KLF12: variants seen among roughly 807,000 people sequenced by gnomAD.
The protein encoded by KLF12 is Krueppel-like factor 12.
KLF12 carries 9 observed loss-of-function variants against 37.8 expected under a neutral mutation model. The observed-to-expected ratio is 0.24, with a 90% CI of 0.14 to 0.42. KLF12 has a LOEUF of 0.42. Among genes scored for constraint, KLF12 ranks in the 10% least tolerant of loss-of-function variants. The pLI is 1.00. For missense variants in KLF12, 411 were observed against 516.0 expected, an observed-to-expected ratio of 0.80 and a Z score of 1.97; for synonymous variants, 208 against 202.1, an observed-to-expected ratio of 1.03 and a Z score of -0.25.
chr13:74,043,704 A>G (rs1893468887), intron 1 of KLF12, among the ~76,000 whole-genome samples: 1 of 152,238 alleles, frequency 6.6e-6, no homozygotes, highest in African/African-American at 2.4e-5. Context: ...TTCCTTGAGG[A>G]AAGCATACAT....
rs1339693483 is a variant in KLF12, at chr13:73,693,817, A to C, written c.*1673T>G. The C allele has an allele frequency of 6.6e-6, 1 of 152,580 alleles. No homozygotes were observed. Among genetic ancestry groups the C allele is most frequent in the Non-Finnish European group, 1.5e-5 (1 of 68,020 alleles). 9.5% of individuals were successfully genotyped at this position (152,580 alleles called of 1,614,324 possible). A position where few individuals can be genotyped will look rare whatever the true frequency, so the allele number is the denominator to read the frequency against. On this transcript the variant is annotated 3_prime_UTR_variant, in exon 8 of 8. Coordinates refer to ENST00000377669, the MANE Select transcript of KLF12 (RefSeq NM_007249.5). ...AGCAACAACAACAATAACAACAAAA[A>C]ATCTCACCAGCCCCTCAGCCACAGA...
intron 3 of KLF12, among the ~76,000 whole-genome samples, chr13:73,937,198 T>G (rs59825026): frequency 2.0e-5 from 3 of 150,376 alleles, no homozygotes. Context: ...CAAAAAAAAA[T>G]AAATAAATAA....
chr13:73,910,023 TAGCCTC>T (rs1279769279), intron 3 of KLF12, among the ~76,000 whole-genome samples: 7 of 152,298 alleles, frequency 4.6e-5, no homozygotes, highest in African/African-American at 1.7e-4. Context: ...ACAGAATTAT[TAGCCTC>T]ATTGATAAAT....
upstream of KLF12, among the ~76,000 whole-genome samples, chr13:74,134,234 C>A (rs890236576): frequency 6.6e-6 from 1 of 151,872 alleles, no homozygotes; most frequent in Non-Finnish European, 1.5e-5. Flanking sequence ...AGCTCCGGGT[C>A]CTCCTCCCCA....
intron 1 of KLF12, among the ~76,000 whole-genome samples, chr13:74,092,441 T>C (rs1162350960): frequency 4.1e-5 from 6 of 144,838 alleles, no homozygotes; most frequent in Non-Finnish European, 7.5e-5. Context: ...CGGGCCAACA[T>C]GGTGAAACCC....
intron 3 of KLF12, among the ~76,000 whole-genome samples, chr13:73,885,876 G>A (rs1207687928): frequency 1.3e-5 from 2 of 152,202 alleles, no homozygotes; most frequent in Non-Finnish European, 2.9e-5. Flanking sequence ...GACTAATCCA[G>A]ATAAAAGGCA....
At chr13:74,209,849 C>T in the KLF12 span, among the ~76,000 whole-genome samples, 38 of 152,198 alleles carry the variant, frequency 2.5e-4, no homozygotes, top group African/African-American at 8.4e-4. Context: ...TTTTACACAA[C>T]TAATACTAAA....
the KLF12 span, among the ~76,000 whole-genome samples, chr13:74,249,532 T>A: frequency 1.3e-5 from 2 of 152,108 alleles, no homozygotes; most frequent in Non-Finnish European, 2.9e-5. Flanking sequence ...TGGATTGAGA[T>A]AGGGGTGGGT....
chr13:74,011,089 G>A (rs1892538681), intron 1 of KLF12, among the ~76,000 whole-genome samples: 1 of 151,688 alleles, frequency 6.6e-6, no homozygotes, highest in South Asian at 2.1e-4. Flanking sequence ...TTAATTATTG[G>A]GAAATCTATA....
chr13:73,775,809 C>T (rs1055321685), intron 5 of KLF12, among the ~76,000 whole-genome samples: 35 of 152,126 alleles, frequency 2.3e-4, no homozygotes, highest in Non-Finnish European at 4.7e-4. Context: ...TTTTGAGATG[C>T]CTCATTTAGG....
At position 73,693,004 on chromosome 13, in the gene KLF12, G is replaced by C. The variant is rs759587585; in HGVS notation, c.*2486C>G. The C allele has an allele frequency of 6.6e-6, 1 of 152,138 alleles. No individual in the cohort carries two copies. The highest frequency in any genetic ancestry group is 1.5e-5 in the Non-Finnish European group (1 of 68,028). The allele number at this position is 152,138 out of a possible 1,614,324, so 9.4% of individuals were successfully genotyped here. ...GTCACTCAGGAAGATTCCCCTGCCT[G>C]TCAGTTTTATGAATTCTAAAAACCA... On this transcript the variant is annotated 3_prime_UTR_variant, in exon 8 of 8. Coordinates refer to ENST00000377669, the MANE Select transcript of KLF12 (RefSeq NM_007249.5).
At chr13:74,145,591 G>A in the KLF12 span, among the ~76,000 whole-genome samples, 2 of 151,952 alleles carry the variant, frequency 1.3e-5, no homozygotes, top group Non-Finnish European at 2.9e-5. Flanking sequence ...ATCTACTTTT[G>A]GGATCCCTAT....
chr13:73,996,124 C>T (rs1201223076), intron 1 of KLF12, among the ~76,000 whole-genome samples: 1 of 152,090 alleles, frequency 6.6e-6, no homozygotes, highest in African/African-American at 2.4e-5. Flanking sequence ...AGGAAACTGG[C>T]CTTTAATTTT....
intron 1 of KLF12, among the ~76,000 whole-genome samples, chr13:74,045,628 GAAA>G (rs71115631): frequency 1.4e-5 from 2 of 146,696 alleles, no homozygotes; most frequent in Admixed American, 6.8e-5. Context: ...TGACGAAAAT[GAAA>G]AAAAAAAAAA....
chr13:74,122,031 T>C (rs1311404567), intron 1 of KLF12, among the ~76,000 whole-genome samples: 1 of 152,052 alleles, frequency 6.6e-6, no homozygotes, highest in African/African-American at 2.4e-5. Flanking sequence ...GGAGATTACA[T>C]GCCTACTTTA....
chr13:73,869,685 G>A (rs944868876), intron 3 of KLF12, among the ~76,000 whole-genome samples: 7 of 151,766 alleles, frequency 4.6e-5, no homozygotes, highest in Non-Finnish European at 8.8e-5. Flanking sequence ...CATAGTTCCT[G>A]GTAACTTGTA....
In KLF12 at chr13:73,693,759, G is replaced by A. The variant is rs1226752780; in HGVS notation, c.*1731C>T. ...AAATATATTGCAAAGGTCTTTGTTG[G>A]AGACCTTTTATATCTAAGCTATAAA... On this transcript the variant is annotated 3_prime_UTR_variant, in exon 8 of 8. Coordinates refer to ENST00000377669, the MANE Select transcript of KLF12 (RefSeq NM_007249.5). The A allele has an allele frequency of 6.6e-6, 1 of 152,504 alleles. No individual in the cohort carries two copies. The highest frequency in any genetic ancestry group is 1.5e-5 in the Non-Finnish European group (1 of 68,010). 9.4% of individuals were successfully genotyped at this position (152,504 alleles called of 1,614,324 possible).
At chr13:73,904,570 T>C (rs971416002) in intron 3 of KLF12, among the ~76,000 whole-genome samples, 2 of 150,016 alleles carry the variant, frequency 1.3e-5, no homozygotes, top group Non-Finnish European at 3.0e-5. Flanking sequence ...GAATGTATTA[T>C]CAGAAATGTT....
At chr13:74,183,292 A>G in the KLF12 span, among the ~76,000 whole-genome samples, 1 of 152,206 alleles carries the variant, frequency 6.6e-6, no homozygotes, top group African/African-American at 2.4e-5. Context: ...CTCAAAAGCC[A>G]CATGAATGCG....
Sources: allele counts gnomAD v4.1 joint callset (sites outside exome capture counted in the v4.1 genomes callset), GRCh38; gene constraint gnomAD v4.1.1; transcripts MANE v1.5; gene names NCBI Gene and HGNC (gene_info 2026-07-23, HGNC 2026-07-21).